Variants in PLCG2 observed in about 807,000 individuals in gnomAD.
PLCG2 encodes the protein 1-phosphatidylinositol 4,5-bisphosphate phosphodiesterase gamma-2.
Under a neutral mutation model 175.6 loss-of-function variants are expected in PLCG2, and 69 were observed. That is an observed-to-expected ratio of 0.39 (90% CI 0.32 to 0.48). The LOEUF (loss-of-function observed/expected upper bound fraction) is 0.48. Among genes scored for constraint, PLCG2 ranks in the 20% least tolerant of loss-of-function variants. The pLI is 0.91. For synonymous variants in PLCG2, 827 were observed against 624.0 expected (o/e 1.33, Z -4.85); for missense variants, 1,798 against 1,650.9 (o/e 1.09, Z -1.54).
intron 19 of PLCG2, among the ~76,000 whole-genome samples, chr16:81,914,825 A>G (rs1299258579): frequency 1.3e-5 from 2 of 152,126 alleles, no homozygotes; most frequent in Admixed American, 1.3e-4. Flanking sequence ...ATCAGCAAGG[A>G]TGGCCGCTCC....
intron 22 of PLCG2, among the ~76,000 whole-genome samples, chr16:81,924,186 A>C (rs1910169489): frequency 6.6e-6 from 1 of 152,268 alleles, no homozygotes; most frequent in African/African-American, 2.4e-5. Context: ...ACCTTAGAAG[A>C]AAAATTCACT....
At chr16:81,946,352 C>G (rs967980468) in intron 31 of PLCG2, 89 bp downstream of exon 31, 36 of 903,466 alleles carry the variant, frequency 4.0e-5, no homozygotes, top group Non-Finnish European at 6.1e-5. Flanking sequence ...GGCAGATGGA[C>G]TTAAGCCCAT....
chr16:81,751,188 C>T (rs1909805827), intron 1 of PLCG2, among the ~76,000 whole-genome samples: 1 of 151,432 alleles, frequency 6.6e-6, no homozygotes, highest in African/African-American at 2.4e-5. Context: ...ACTATGTTGG[C>T]CAGGCTGGTC....
chr16:81,811,546 T>A (rs1247920952), intron 2 of PLCG2, among the ~76,000 whole-genome samples: 4 of 152,016 alleles, frequency 2.6e-5, no homozygotes, highest in Non-Finnish European at 5.9e-5. Flanking sequence ...CAGGCCCCAG[T>A]GTGTGGTGTT....
intron 2 of PLCG2, among the ~76,000 whole-genome samples, chr16:81,756,802 C>T (rs910728770): frequency 1.3e-5 from 2 of 152,202 alleles, no homozygotes; most frequent in African/African-American, 2.4e-5. Flanking sequence ...ACTGCACAGC[C>T]TGGCTCTTCA....
At chr16:81,872,331 A>G (rs1597366040) in intron 7 of PLCG2, among the ~76,000 whole-genome samples, 1 of 152,228 alleles carries the variant, frequency 6.6e-6, no homozygotes, top group African/African-American at 2.4e-5. Context: ...CCATCTCAAA[A>G]CAAACACAAA....
At chr16:81,883,052 C>T (rs1393929854) in intron 8 of PLCG2, among the ~76,000 whole-genome samples, 4 of 152,138 alleles carry the variant, frequency 2.6e-5, no homozygotes, top group African/African-American at 9.7e-5. Context: ...AGGGCCTGCC[C>T]CTTGAGATTC....
At position 81,961,848 on chromosome 16, in the gene PLCG2, A is replaced by T. The variant is rs1026600188; in HGVS notation, c.*3850A>T. ...ATAATGAGAAATTTTAGATGTCAAT[A>T]TAGCAATGTGCAAGAAGATAGAGAT... On this transcript the variant is annotated 3_prime_UTR_variant, in exon 33 of 33. Coordinates refer to ENST00000564138, the MANE Select transcript of PLCG2 (RefSeq NM_002661.5). 2 of 201,944 alleles carry T rather than the reference A, an allele frequency of 9.9e-6. No homozygotes were observed. Among genetic ancestry groups the T allele is most frequent in the African/African-American group, 4.6e-5 (2 of 43,588 alleles). 12.5% of individuals were successfully genotyped at this position (201,944 alleles called of 1,614,324 possible).
At chr16:81,782,233 G>C (rs530966505) in intron 1 of PLCG2, among the ~76,000 whole-genome samples, 197 of 43,230 alleles carry the variant, frequency 4.6e-3, no homozygotes, top group Admixed American at 0.01. Context: ...GAGCTTATGA[G>C]ATACAAGAAA....
In PLCG2 at chr16:81,869,072, G is replaced by C. The variant is rs1402670091; in HGVS notation, c.480-142G>C. ...CACCCTTACCTTGACTCAATGTCTT[G>C]TTCCCAGTTAGTGGTCCATAAATAA... On this transcript the variant is annotated intron_variant, in intron 5 of 32. Coordinates refer to ENST00000564138, the MANE Select transcript of PLCG2 (RefSeq NM_002661.5). 3 of 682,332 alleles carry C rather than the reference G, an allele frequency of 4.4e-6. No homozygotes were observed. The African/African-American group carries it at 5.4e-5, about 12-fold the overall frequency. The allele number at this position is 682,332 out of a possible 1,614,324, so 42.3% of individuals were successfully genotyped here.
At chr16:81,818,525 C>T (rs1298086200) in intron 2 of PLCG2, among the ~76,000 whole-genome samples, 5 of 152,012 alleles carry the variant, frequency 3.3e-5, no homozygotes, top group Non-Finnish European at 5.9e-5. Context: ...GGATACTCAT[C>T]GGCTGCACGG....
intron 6 of PLCG2, among the ~76,000 whole-genome samples, chr16:81,869,911 A>G (rs935035398): frequency 1.3e-5 from 2 of 152,174 alleles, no homozygotes; most frequent in Non-Finnish European, 2.9e-5. Flanking sequence ...GGAAATACTC[A>G]TTCTTCTTAG....
At chr16:81,878,128 G>T (rs766803414) in intron 7 of PLCG2, among the ~76,000 whole-genome samples, 3 of 151,430 alleles carry the variant, frequency 2.0e-5, no homozygotes, top group African/African-American at 4.9e-5. Flanking sequence ...GACTACAGGC[G>T]CCCACCACCA....
chr16:81,860,093 C>T (rs968575573), intron 5 of PLCG2, among the ~76,000 whole-genome samples: 3 of 151,380 alleles, frequency 2.0e-5, no homozygotes, highest in Non-Finnish European at 2.9e-5. Context: ...GCCTCAGCCT[C>T]CTGAGTAGCT....
Position 81,961,833 on chromosome 16 carries a change from A to G in PLCG2, c.*3835A>G, listed in dbSNP as rs1400481457. 9.9e-6 allele frequency: 2 copies of G among 202,414 alleles called. No homozygotes were observed. The highest frequency in any genetic ancestry group is 4.6e-5 in the African/African-American group (2 of 43,612). The allele number at this position is 202,414 out of a possible 1,614,324, so 12.5% of individuals were successfully genotyped here. ...ACTTTGCAGCTATTTATAATGAGAA[A>G]TTTTAGATGTCAATATAGCAATGTG... is the stretch of plus-strand genomic sequence containing the variant. On this transcript the variant is annotated 3_prime_UTR_variant, in exon 33 of 33. Coordinates refer to ENST00000564138, the MANE Select transcript of PLCG2 (RefSeq NM_002661.5).
intron 5 of PLCG2, among the ~76,000 whole-genome samples, chr16:81,864,502 CACTA>C (rs1907133383): frequency 6.6e-6 from 1 of 152,206 alleles, no homozygotes. Context: ...TCAGATCTCA[CACTA>C]ACTCATTGTG....
intron 31 of PLCG2, among the ~76,000 whole-genome samples, chr16:81,956,366 T>A (rs1911567993): frequency 6.6e-6 from 1 of 152,092 alleles, no homozygotes; most frequent in Non-Finnish European, 1.5e-5. Context: ...TGCAGTCAGG[T>A]AAAGGCCAGA....
chr16:81,859,078 C>G (rs766205060), intron 4 of PLCG2, 38 bp from the exon 5 acceptor site: 1 of 1,315,322 alleles, frequency 7.6e-7, no homozygotes, highest in Non-Finnish European at 1.1e-6. Context: ...TTCTAATTTT[C>G]TCTTTCTCTC....
intron 1 of PLCG2, among the ~76,000 whole-genome samples, chr16:81,748,646 A>G (rs1909749547): frequency 6.6e-6 from 1 of 152,154 alleles, no homozygotes; most frequent in Non-Finnish European, 1.5e-5. Flanking sequence ...TCAAATTGCA[A>G]AAAAATAACT....
Sources: allele counts gnomAD v4.1 joint callset (sites outside exome capture counted in the v4.1 genomes callset), GRCh38; gene constraint gnomAD v4.1.1; transcripts MANE v1.5; gene names NCBI Gene and HGNC (gene_info 2026-07-23, HGNC 2026-07-21).